SMIM31: variants seen among roughly 807,000 people sequenced by gnomAD.
SMIM31 encodes the protein human epithelial cell program regulator.
chr4:164,773,418 A>G (rs547806081), intron 2 of SMIM31, among the ~76,000 whole-genome samples: 8 of 152,364 alleles, frequency 5.3e-5, no homozygotes, highest in African/African-American at 1.9e-4. Flanking sequence ...CTCACAGTTC[A>G]GCATGGCTGG....
At chr4:164,786,904 G>C (rs1018112105) in intron 2 of SMIM31, among the ~76,000 whole-genome samples, 5 of 152,198 alleles carry the variant, frequency 3.3e-5, no homozygotes, top group Non-Finnish European at 5.9e-5. Flanking sequence ...TTTGAGCTTA[G>C]ATAAGCACAC....
intron 2 of SMIM31, among the ~76,000 whole-genome samples, chr4:164,795,484 G>A (rs1211857899): frequency 6.8e-6 from 1 of 147,122 alleles, no homozygotes; most frequent in African/African-American, 2.5e-5. Context: ...CTTGAACCTG[G>A]GAGGCGGAGA....
chr4:164,797,159 G>A (rs563819170), intron 2 of SMIM31, among the ~76,000 whole-genome samples: 3 of 152,000 alleles, frequency 2.0e-5, no homozygotes, highest in African/African-American at 4.8e-5. Flanking sequence ...TAAGCTTTAC[G>A]CTCACCACAT....
At chr4:164,782,266 G>A (rs1732960851) in intron 2 of SMIM31, among the ~76,000 whole-genome samples, 1 of 151,126 alleles carries the variant, frequency 6.6e-6, no homozygotes, top group Non-Finnish European at 1.5e-5. Flanking sequence ...CTCCACCTGG[G>A]CAACCAGAGT....
chr4:164,788,484 T>C (rs975314310), intron 2 of SMIM31, among the ~76,000 whole-genome samples: 2 of 107,200 alleles, frequency 1.9e-5, no homozygotes, highest in South Asian at 3.4e-4. Flanking sequence ...TTTTCTTTTT[T>C]TTTTTTTTTT....
chr4:164,781,794 C>T (rs753393188), intron 2 of SMIM31, among the ~76,000 whole-genome samples: 2 of 152,126 alleles, frequency 1.3e-5, no homozygotes, highest in Non-Finnish European at 2.9e-5. Flanking sequence ...GATGCTTCCA[C>T]CTATGTAACA....
intron 1 of SMIM31, among the ~76,000 whole-genome samples, chr4:164,762,438 C>G (rs1054388848): frequency 1.3e-5 from 2 of 151,786 alleles, no homozygotes; most frequent in Non-Finnish European, 2.9e-5. Context: ...AATATCTGGC[C>G]AGGCGTGGTG....
chr4:164,770,412 A>G lies in SMIM31; in HGVS notation c.-25-7A>G, dbSNP rs964441218. 1.0e-5 allele frequency: 4 copies of G among 398,622 alleles called. No individual in the cohort carries two copies. The highest frequency in any genetic ancestry group is 4.4e-5 in the Admixed American group (1 of 22,710). The allele number at this position is 398,622 out of a possible 1,614,324, so 24.7% of individuals were successfully genotyped here. A position where few individuals can be genotyped will look rare whatever the true frequency, so the allele number is the denominator to read the frequency against. On this transcript the variant is annotated splice_region_variant and splice_polypyrimidine_tract_variant and intron_variant, in intron 1 of 2. Transcript: ENST00000507311. ...TATGCTGAGCCCATGTTTTATTCCT[A>G]TTGTAGGTGAAGAAGTTTTCGGTGG...
In SMIM31 at chr4:164,781,276, CAT is replaced by C. The variant is rs576027096; in HGVS notation, c.112+10724_112+10725del. Among the ~76,000 whole-genome samples the C allele has an allele frequency of 3.8e-3, 584 of 152,256 alleles. 3 individuals carry two copies. Among genetic ancestry groups the C allele is most frequent in the Non-Finnish European group, 6.3e-3 (425 of 68,000 alleles). ...TTTGGAATTTCTTACAAAGATAAAA[CAT>C]ATGCTTACCAAAGGACCAAACAATC... On this transcript the variant is annotated intron_variant, in intron 2 of 2. Transcript: ENST00000507311.
At chr4:164,784,441 T>C (rs1231564820) in intron 2 of SMIM31, among the ~76,000 whole-genome samples, 1 of 151,932 alleles carries the variant, frequency 6.6e-6, no homozygotes, top group African/African-American at 2.4e-5. Flanking sequence ...ACAGAAAAAG[T>C]CATTTGATGA....
chr4:164,802,620 C>T lies in SMIM31; in HGVS notation c.*1426C>T, dbSNP rs1733302066. 1 of 152,222 alleles carries T rather than the reference C, an allele frequency of 6.6e-6. No individual in the cohort carries two copies. Among genetic ancestry groups the T allele is most frequent in the African/African-American group, 2.4e-5 (1 of 41,450 alleles). The allele number at this position is 152,222 out of a possible 1,614,324, so 9.4% of individuals were successfully genotyped here. On this transcript the variant is annotated 3_prime_UTR_variant, in exon 3 of 3. Coordinates refer to ENST00000507311, the MANE Select transcript of SMIM31 (RefSeq NM_001352885.1). ...TGGCAGGAAGGAATCCACAATACAA[C>T]CAAAGATACCTACCTGCATCTCATA...
chr4:164,755,026 A>G (rs1732539087), intron 1 of SMIM31, among the ~76,000 whole-genome samples: 1 of 132,920 alleles, frequency 7.5e-6, no homozygotes, highest in African/African-American at 2.8e-5. Context: ...TTAGCCTTAA[A>G]CTTAAAATAA....
At chr4:164,781,445 A>C (rs1732947853) in intron 2 of SMIM31, among the ~76,000 whole-genome samples, 1 of 152,204 alleles carries the variant, frequency 6.6e-6, no homozygotes, top group Admixed American at 6.5e-5. Flanking sequence ...TATAAACCAG[A>C]ATATTATTAA....
intron 1 of SMIM31, among the ~76,000 whole-genome samples, chr4:164,768,230 T>G (rs1287854423): frequency 9.6e-6 from 1 of 104,152 alleles, no homozygotes; most frequent in Non-Finnish European, 2.1e-5. Context: ...AGCAAGACTT[T>G]GTCACAAAAA....
In SMIM31 at chr4:164,754,335, C is replaced by G. The variant is rs1384551692; in HGVS notation, c.-102C>G. Reference sequence around the variant, plus strand: ...GACACAGGCCATTCAGTCCCGAATCCCAAGACACTGAAGACTCTGTTTGAA... The same window carrying G: ...GACACAGGCCATTCAGTCCCGAATCGCAAGACACTGAAGACTCTGTTTGAA... On this transcript the variant is annotated 5_prime_UTR_variant, in exon 1 of 3. Coordinates refer to ENST00000507311, the MANE Select transcript of SMIM31 (RefSeq NM_001352885.1). The G allele has an allele frequency of 1.3e-5, 2 of 152,068 alleles. No homozygotes were observed. The highest frequency in any genetic ancestry group is 2.9e-5 in the Non-Finnish European group (2 of 68,026). The allele number at this position is 152,068 out of a possible 1,614,324, so 9.4% of individuals were successfully genotyped here.
intron 2 of SMIM31, among the ~76,000 whole-genome samples, chr4:164,799,496 T>A (rs375242254): frequency 3.3e-5 from 5 of 152,086 alleles, no homozygotes; most frequent in East Asian, 1.9e-4. Context: ...CAGAAGAATA[T>A]CTGAGATGAG....
Position 164,801,739 on chromosome 4 carries a change from T to G in SMIM31, c.*545T>G, listed in dbSNP as rs1025342145. 2 of 152,176 alleles carry G rather than the reference T, an allele frequency of 1.3e-5. No individual in the cohort carries two copies. The highest frequency in any genetic ancestry group is 1.3e-4 in the Admixed American group (2 of 15,272). 9.4% of individuals were successfully genotyped at this position (152,176 alleles called of 1,614,324 possible). On this transcript the variant is annotated 3_prime_UTR_variant, in exon 3 of 3. Transcript: ENST00000507311. The stretch of plus-strand genomic sequence containing the variant: ...TTTACATTCAATGGAAATATTAGCA[T>G]TGCCTCAGTAAGCTTTAAAACACAA...
chr4:164,798,111 A>G (rs963615374), intron 2 of SMIM31, among the ~76,000 whole-genome samples: 3 of 151,824 alleles, frequency 2.0e-5, no homozygotes, highest in African/African-American at 7.3e-5. Context: ...TACATACCAC[A>G]TTTTCTTTAT....
At chr4:164,773,217 T>C (rs561177157) in intron 2 of SMIM31, among the ~76,000 whole-genome samples, 86 of 152,228 alleles carry the variant, frequency 5.6e-4, no homozygotes, top group Middle Eastern at 3.4e-3. Context: ...GAGGCTGGCA[T>C]ACTATTTCAG....
Sources: allele counts gnomAD v4.1 joint callset (sites outside exome capture counted in the v4.1 genomes callset), GRCh38; gene constraint gnomAD v4.1.1; transcripts MANE v1.5; gene names NCBI Gene and HGNC (gene_info 2026-07-23, HGNC 2026-07-21).